Variants in IFIT3 observed in about 807,000 individuals in gnomAD.
IFIT3 encodes interferon-induced protein with tetratricopeptide repeats 3.
A neutral mutation model predicts 2.4 loss-of-function variants in IFIT3; 2 were observed. The observed-to-expected ratio is 0.82, with a 90% CI of 0.34 to 2.60. IFIT3 has a LOEUF of 2.60. Among genes scored for constraint, IFIT3 ranks in the 30% most tolerant of loss-of-function variants. The probability of loss-of-function intolerance (pLI) is 0.11; values close to 1 mark genes in which losing one functional copy is unlikely to be tolerated. For missense variants in IFIT3, 481 were observed against 562.4 expected (o/e 0.86, Z 1.46); for synonymous variants, 203 against 212.1 (o/e 0.96, Z 0.37).
Position 89,339,274 on chromosome 10 carries a change from C to A in IFIT3, c.619C>A (p.Gln207Lys). The change falls in exon 2 of 2, where the codon CAA becomes AAA. Residue 207 changes from glutamine to lysine, a missense_variant. Coordinates refer to ENST00000371818, the MANE Select transcript of IFIT3 (RefSeq NM_001549.6). Reference sequence around the variant, plus strand: ...GGCCATTGAGCTGAGTCCTGATAACCAATACGTCAAGGTTCTCTTGGGCCT... The same window carrying A: ...GGCCATTGAGCTGAGTCCTGATAACAAATACGTCAAGGTTCTCTTGGGCCT... ...KQAIELSPDN[Q>K]YVKVLLGLKL... 6.2e-7 allele frequency: 1 copy of A among 1,614,132 alleles called. No homozygotes were observed. The highest frequency in any genetic ancestry group is 8.5e-7 in the Non-Finnish European group (1 of 1,180,014).
intron 1 of IFIT3, 125 bp downstream of exon 1, chr10:89,328,203 T>G: frequency 1.0e-6 from 1 of 981,112 alleles, no homozygotes; most frequent in Non-Finnish European, 1.6e-6. Context: ...TCTTTATCAG[T>G]CTGAGCATTT....
At chr10:89,330,157 G>C (rs1843635809) in intron 1 of IFIT3, among the ~76,000 whole-genome samples, 1 of 152,222 alleles carries the variant, frequency 6.6e-6, no homozygotes, top group African/African-American at 2.4e-5. Context: ...TGATGGCTTA[G>C]CTTGGGCTCA....
Position 89,339,770 on chromosome 10 carries a change from G to C in IFIT3, c.1115G>C (p.Gly372Ala), listed in dbSNP as rs987441870. 6.8e-6 allele frequency: 11 copies of C among 1,614,100 alleles called. No individual in the cohort carries two copies. Among genetic ancestry groups the C allele is most frequent in the Non-Finnish European group, 8.5e-6 (10 of 1,180,008 alleles). ...QRYCNLQKYN[G>A]KSEDTAVQHG... is the part of the protein sequence containing the mutation. ...TACTGCAACCTTCAGAAATATAATGGGAAGTCTGAAGACACTGCTGTGCAA... is the reference window on the plus strand; with the variant it reads ...TACTGCAACCTTCAGAAATATAATGCGAAGTCTGAAGACACTGCTGTGCAA... The change falls in exon 2 of 2, where the codon GGG (glycine) becomes GCG (alanine). Residue 372 changes from glycine to alanine, a missense_variant. Gly to Ala is a moderately conservative substitution (Grantham distance 60). Transcript: ENST00000371818.
At chr10:89,338,192 C>T (rs1219769128) in intron 1 of IFIT3, 2 of 157,226 alleles carry the variant, frequency 1.3e-5, no homozygotes, top group South Asian at 1.9e-4. Context: ...GGAATTGGCT[C>T]ACCTGATTAT....
intron 1 of IFIT3, among the ~76,000 whole-genome samples, chr10:89,334,530 C>A: frequency 1.3e-5 from 1 of 75,388 alleles, no homozygotes. Context: ...GAGTTTTGCT[C>A]TTTCGCCCAG....
chr10:89,336,562 A>G (rs1843744029), intron 1 of IFIT3, among the ~76,000 whole-genome samples: 1 of 152,240 alleles, frequency 6.6e-6, no homozygotes, highest in African/African-American at 2.4e-5. Flanking sequence ...GTCCATGGTA[A>G]ATTGCAAATA....
At chr10:89,335,227 G>A (rs1258448076) in intron 1 of IFIT3, 1 of 152,144 alleles carries the variant, frequency 6.6e-6, no homozygotes, top group African/African-American at 2.4e-5. Context: ...ATGAGTAGTT[G>A]ACTATCTTCC....
rs553178632 is a variant in IFIT3, at chr10:89,333,997, A to G, written c.6-4664A>G. On this transcript the variant is annotated intron_variant, in intron 1 of 1. Coordinates refer to ENST00000371818, the MANE Select transcript of IFIT3 (RefSeq NM_001549.6). ...GGATTGGGCCTGTTCTGACCAACCAACTGAGCACAGGTCTGCCAGTTCCTT... is the reference window on the plus strand; with the variant it reads ...GGATTGGGCCTGTTCTGACCAACCAGCTGAGCACAGGTCTGCCAGTTCCTT... Among the ~76,000 whole-genome samples, 19 of 152,316 alleles carry G rather than the reference A, an allele frequency of 1.2e-4. 1 individual carries two copies. The South Asian group carries it at 3.1e-3, about 25-fold the overall frequency.
chr10:89,337,918 G>GT (rs1017573286), intron 1 of IFIT3, among the ~76,000 whole-genome samples: 7 of 152,106 alleles, frequency 4.6e-5, no homozygotes, highest in African/African-American at 1.7e-4. Context: ...TTCCATTCTT[G>GT]TTTTTCACTT....
chr10:89,337,789 T>C (rs1843768297), intron 1 of IFIT3, among the ~76,000 whole-genome samples: 1 of 152,240 alleles, frequency 6.6e-6, no homozygotes, highest in Admixed American at 6.5e-5. Context: ...CCTGCATATC[T>C]GCTTACACGG....
intron 1 of IFIT3, chr10:89,338,244 G>A (rs146727551): frequency 4.6e-4 from 75 of 164,016 alleles, no homozygotes; most frequent in Middle Eastern, 3.4e-3. Flanking sequence ...GCAAGCTGGA[G>A]ACCAAGGAAA....
At chr10:89,330,563 G>C (rs940892034) in intron 1 of IFIT3, among the ~76,000 whole-genome samples, 3 of 152,194 alleles carry the variant, frequency 2.0e-5, no homozygotes, top group Non-Finnish European at 2.9e-5. Context: ...CCAGATCTTG[G>C]AGAAGGGTGA....
intron 1 of IFIT3, chr10:89,338,404 G>C: frequency 2.5e-6 from 1 of 397,252 alleles, no homozygotes. Flanking sequence ...CCCTTCCTCT[G>C]CCTTTTTGTT....
chr10:89,333,886 A>G (rs1356055961), intron 1 of IFIT3, among the ~76,000 whole-genome samples: 1 of 152,164 alleles, frequency 6.6e-6, no homozygotes, highest in African/African-American at 2.4e-5. Flanking sequence ...AGATCTCCAG[A>G]TGTTTGTGTC....
At chr10:89,336,200 A>C (rs896469150) in intron 1 of IFIT3, among the ~76,000 whole-genome samples, 5 of 150,716 alleles carry the variant, frequency 3.3e-5, no homozygotes, top group African/African-American at 1.2e-4. Flanking sequence ...GGAGGAAAGA[A>C]GGAAAATAGG....
intron 1 of IFIT3, among the ~76,000 whole-genome samples, chr10:89,338,017 C>CTAA (rs1161465739): frequency 6.6e-6 from 1 of 152,134 alleles, no homozygotes; most frequent in Non-Finnish European, 1.5e-5. Flanking sequence ...CCACTGTAGG[C>CTAA]TAATGTAAGG....
In IFIT3 at chr10:89,339,110, A is replaced by G. The variant is rs750941920; in HGVS notation, c.455A>G (p.Asn152Ser). ...EGWTQLKCGRNERAKVCFEKA... is the reference protein window; with the variant it reads ...EGWTQLKCGRSERAKVCFEKA... ...TGGACACAACTGAAGTGTGGAAGAAATGAAAGGGCGAAGGTGTGTTTTGAG... is the reference window on the plus strand; with the variant it reads ...TGGACACAACTGAAGTGTGGAAGAAGTGAAAGGGCGAAGGTGTGTTTTGAG... Residue 152 changes from asparagine to serine, a missense_variant, in exon 2 of 2, where the codon AAT (asparagine) becomes AGT (serine). Transcript: ENST00000371818. The G allele has an allele frequency of 1.2e-6, 2 of 1,614,142 alleles. No individual in the cohort carries two copies. The highest frequency in any genetic ancestry group is 3.3e-5 in the Admixed American group (2 of 60,016).
At chr10:89,330,463 G>A (rs937386009) in intron 1 of IFIT3, among the ~76,000 whole-genome samples, 10 of 152,152 alleles carry the variant, frequency 6.6e-5, no homozygotes, top group Non-Finnish European at 1.3e-4. Context: ...TTAGAGAGGG[G>A]GCCAGGGATG....
chr10:89,328,755 T>C (rs1472086953), intron 1 of IFIT3, among the ~76,000 whole-genome samples: 1 of 152,198 alleles, frequency 6.6e-6, no homozygotes, highest in African/African-American at 2.4e-5. Flanking sequence ...AAAAAAAGAA[T>C]TTCTCCTCAA....
Sources: allele counts gnomAD v4.1 joint callset (sites outside exome capture counted in the v4.1 genomes callset), GRCh38; gene constraint gnomAD v4.1.1; transcripts MANE v1.5; gene names NCBI Gene and HGNC (gene_info 2026-07-23, HGNC 2026-07-21).